The following RPL7L1 variants were observed in gnomAD, a reference collection of about 807,000 sequenced individuals.
RPL7L1 encodes ribosomal protein L7 like 1.
A neutral mutation model predicts 30.3 loss-of-function variants in RPL7L1; 20 were observed. That is an observed-to-expected ratio of 0.66 (90% CI 0.46 to 0.96). RPL7L1 has a LOEUF of 0.96. Among genes scored for constraint, RPL7L1 ranks in the 40% least tolerant of loss-of-function variants. RPL7L1 has a pLI of 0.00. For synonymous variants in RPL7L1, 107 were observed against 110.1 expected, an observed-to-expected ratio of 0.97 and a Z score of 0.18; for missense variants, 271 against 314.9, an observed-to-expected ratio of 0.86 and a Z score of 1.05.
At position 42,887,475 on chromosome 6, in the gene RPL7L1, C is replaced by G. The variant is rs1184647710; in HGVS notation, c.*1011C>G. 5.9e-5 allele frequency: 9 copies of G among 151,824 alleles called. No individual in the cohort carries two copies. The highest frequency in any genetic ancestry group is 8.8e-5 in the Non-Finnish European group (6 of 67,974). 9.4% of individuals were successfully genotyped at this position (151,824 alleles called of 1,614,324 possible). A position where few individuals can be genotyped will look rare whatever the true frequency, so the allele number is the denominator to read the frequency against. On this transcript the variant is annotated 3_prime_UTR_variant, in exon 6 of 6. Coordinates refer to ENST00000493763, the MANE Select transcript of RPL7L1 (RefSeq NM_001366481.3). ...GCACGTGCCTGTAATCCCAGCTACT[C>G]AGGAGGCTGAGGCAGGAGAATCGCT...
chr6:42,886,218 A>G (rs372819161), intron 5 of RPL7L1, 38 bp from the exon 6 acceptor site: 6 of 1,563,700 alleles, frequency 3.8e-6, no homozygotes, highest in South Asian at 1.1e-5. Context: ...TGCTGGATAC[A>G]TGTTAAATAA....
Position 42,888,136 on chromosome 6 carries a change from CAGA to C in RPL7L1, c.*1673_*1675del, listed in dbSNP as rs1306894038. On this transcript the variant is annotated 3_prime_UTR_variant, in exon 6 of 6. Coordinates refer to ENST00000493763, the MANE Select transcript of RPL7L1 (RefSeq NM_001366481.3). ...AGTTCTAGGGTGTTTAGACCCTTCT[CAGA>C]TACCTGTGCATCTTATGGGTTTTGT... 1 of 152,300 alleles carries C rather than the reference CAGA, an allele frequency of 6.6e-6. No individual in the cohort carries two copies. Among genetic ancestry groups the C allele is most frequent in the East Asian group, 1.9e-4 (1 of 5,186 alleles). The allele number at this position is 152,300 out of a possible 1,614,324, so 9.4% of individuals were successfully genotyped here. A position where few individuals can be genotyped will look rare whatever the true frequency, so the allele number is the denominator to read the frequency against.
intron 3 of RPL7L1, 145 bp downstream of exon 3, chr6:42,883,759 A>G (rs2894484): frequency 0.21 from 120,288 of 584,574 alleles, 13,656 homozygotes; most frequent in Middle Eastern, 0.31. Context: ...TTTAGTCTGC[A>G]ATATTTGGAA....
In RPL7L1 at chr6:42,879,795, A is replaced by C. The variant is rs1244400963; in HGVS notation, c.-116A>C. 3 of 1,062,646 alleles carry C rather than the reference A, an allele frequency of 2.8e-6. No homozygotes were observed. The highest frequency in any genetic ancestry group is 1.3e-5 in the South Asian group (1 of 78,230). 65.8% of individuals were successfully genotyped at this position (1,062,646 alleles called of 1,614,324 possible). On this transcript the variant is annotated 5_prime_UTR_variant, in exon 1 of 6. Transcript: ENST00000493763. ...AGGAATCGGGGTTAGCGGGACCTCA[A>C]GGGCTCACTGCGGCTAAGTGAACGC... is the stretch of plus-strand genomic sequence containing the variant.
chr6:42,886,707 T>C lies in RPL7L1; in HGVS notation c.*243T>C. On this transcript the variant is annotated 3_prime_UTR_variant, in exon 6 of 6. Coordinates refer to ENST00000493763, the MANE Select transcript of RPL7L1 (RefSeq NM_001366481.3). ...AAAGATGTCGAGTAACTAAAAACTG[T>C]ATTGCTGGCCGGGCGCGGTGGCTCA... 1 of 435,908 alleles carries C rather than the reference T, an allele frequency of 2.3e-6. No individual in the cohort carries two copies. Among genetic ancestry groups the C allele is most frequent in the Non-Finnish European group, 4.2e-6 (1 of 237,620 alleles). 27.0% of individuals were successfully genotyped at this position (435,908 alleles called of 1,614,324 possible).
intron 2 of RPL7L1, chr6:42,881,190 G>A: frequency 8.3e-6 from 3 of 360,054 alleles, no homozygotes; most frequent in South Asian, 5.7e-5. Context: ...AGTAGGCCGG[G>A]CGCGGTGGCT....
chr6:42,879,985 G>A (rs765708815), intron 1 of RPL7L1, 34 bp downstream of exon 1: 8 of 1,607,608 alleles, frequency 5.0e-6, no homozygotes, highest in Middle Eastern at 1.6e-4. Flanking sequence ...TCTGGAGTGG[G>A]GTCTTGAGTA....
rs192805269 is a variant in RPL7L1 at position 42,884,866 on chromosome 6, C to T, written c.449+116C>T. 1.8e-5 allele frequency: 18 copies of T among 982,662 alleles called. No homozygotes were observed. The East Asian group carries it at 4.4e-4, about 24-fold the overall frequency. The allele number at this position is 982,662 out of a possible 1,614,324, so 60.9% of individuals were successfully genotyped here. Reference sequence around the variant, plus strand: ...TGTAGAAGGGACATTTTGCTGTGACCACAGTCAACCTGAAATCAGTGGGTA... The same window carrying T: ...TGTAGAAGGGACATTTTGCTGTGACTACAGTCAACCTGAAATCAGTGGGTA... On this transcript the variant is annotated intron_variant, in intron 4 of 5. Transcript: ENST00000493763.
chr6:42,881,083 G>A, intron 2 of RPL7L1, 117 bp downstream of exon 2: 1 of 650,622 alleles, frequency 1.5e-6, no homozygotes, highest in East Asian at 2.9e-5. Flanking sequence ...GACAGACCAG[G>A]TATAGTTGTC....
At position 42,886,077 on chromosome 6, in the gene RPL7L1, C is replaced by T; in HGVS notation, c.553C>T (p.His185Tyr). The T allele has an allele frequency of 1.3e-6, 2 of 1,573,544 alleles. No individual in the cohort carries two copies. The highest frequency in any genetic ancestry group is 8.7e-7 in the Non-Finnish European group (1 of 1,145,984). Residue 185 changes from histidine (H) to tyrosine (Y), a missense_variant, in exon 5 of 6, where the codon CAC becomes TAC. Transcript: ENST00000493763. ...PLTDNTVIEEHLGKFGVICLE... is the reference protein window; with the variant it reads ...PLTDNTVIEEYLGKFGVICLE... ...GACAGACAATACAGTGATTGAGGAG[C>T]ACCTGGGTGAGTGCTACAGCTTAGG...
intron 2 of RPL7L1, chr6:42,881,253 C>T (rs1766067512): frequency 5.1e-6 from 1 of 196,150 alleles, no homozygotes; most frequent in African/African-American, 2.4e-5. Flanking sequence ...ATCACGAGGT[C>T]AGGAGATCGA....
At position 42,880,872 on chromosome 6, in the gene RPL7L1, TC is replaced by T. The variant is rs1766048900; in HGVS notation, c.56del (p.Pro19LeufsTer8). The T allele has an allele frequency of 6.3e-7, 1 of 1,592,624 alleles. No homozygotes were observed. Among genetic ancestry groups the T allele is most frequent in the Non-Finnish European group, 8.6e-7 (1 of 1,161,998 alleles). On this transcript the variant is annotated frameshift_variant, in exon 2 of 6. Coordinates refer to ENST00000493763, the MANE Select transcript of RPL7L1 (RefSeq NM_001366481.3). LOFTEE classifies it high-confidence loss of function. ...ATTTTCTGCATCAGGCAAAGAAAAA[TC>T]CCTTTGGTTCCAGAAAATCTCCTGA... ...RKMAEQEQRK[I>X]PLVPENLLKK...
chr6:42,886,471 G>A lies in RPL7L1; in HGVS notation c.*7G>A, dbSNP rs754849525. 2.3e-5 allele frequency: 34 copies of A among 1,450,948 alleles called. No individual in the cohort carries two copies. The highest frequency in any genetic ancestry group is 2.9e-5 in the Non-Finnish European group (31 of 1,052,346). The allele number at this position is 1,450,948 out of a possible 1,614,324, so 89.9% of individuals were successfully genotyped here. ...CATCCGTCAGCTGAACTAGACCCAG[G>A]TGAGGCAGGGCTGAAAACTGCCCTT... is the stretch of plus-strand genomic sequence containing the variant. On this transcript the variant is annotated 3_prime_UTR_variant, in exon 6 of 6. Coordinates refer to ENST00000493763, the MANE Select transcript of RPL7L1 (RefSeq NM_001366481.3).
At chr6:42,885,889 C>T in intron 4 of RPL7L1, 85 bp from the exon 5 acceptor site, 1 of 738,442 alleles carries the variant, frequency 1.4e-6, no homozygotes, top group Non-Finnish European at 2.5e-6. Flanking sequence ...TGTGGGAGAA[C>T]CTCTCCAACC....
In RPL7L1 at chr6:42,880,317, AC is replaced by A. The variant is rs748595638; in HGVS notation, c.41+369del. ...GTGAAAACCCTGTTAACTTATACGA[AC>A]CCAGAGGCTAAAGGATTCATTATTT... On this transcript the variant is annotated intron_variant, in intron 1 of 5. Coordinates refer to ENST00000493763, the MANE Select transcript of RPL7L1 (RefSeq NM_001366481.3). 2.0e-5 allele frequency among the ~76,000 whole-genome samples: 3 copies of A among 152,086 alleles called. No homozygotes were observed. The East Asian group carries it at 5.8e-4, about 29-fold the overall frequency.
intron 2 of RPL7L1, 33 bp from the exon 3 acceptor site, chr6:42,883,418 C>G: frequency 6.6e-7 from 1 of 1,513,922 alleles, no homozygotes; most frequent in Admixed American, 2.3e-5. Flanking sequence ...TATGGAGGCA[C>G]AAGATGATGA....
At position 42,889,107 on chromosome 6, in the gene RPL7L1, A is replaced by G. The variant is rs1766384072; in HGVS notation, c.*2643A>G. ...ATTTTGGCTCCTTGGACCCTCAAGC[A>G]TAGCTGGTAAATCAAGTTAGAGATG... On this transcript the variant is annotated 3_prime_UTR_variant, in exon 6 of 6. Transcript: ENST00000493763. The G allele has an allele frequency of 6.6e-6, 1 of 152,196 alleles. No homozygotes were observed. Among genetic ancestry groups the G allele is most frequent in the African/African-American group, 2.4e-5 (1 of 41,442 alleles). The allele number at this position is 152,196 out of a possible 1,614,324, so 9.4% of individuals were successfully genotyped here.
chr6:42,881,194 G>A (rs1027717331), intron 2 of RPL7L1: 8 of 339,002 alleles, frequency 2.4e-5, no homozygotes, highest in African/African-American at 9.0e-5. Flanking sequence ...GGCCGGGCGC[G>A]GTGGCTCACG....
intron 2 of RPL7L1, chr6:42,881,905 G>C (rs542699743): frequency 3.3e-5 from 5 of 152,082 alleles, no homozygotes; most frequent in Admixed American, 2.6e-4. Context: ...GGATTACAAG[G>C]ATGTGCCACC....
Sources: gnomAD v4.1 joint callset for allele counts (sites outside exome capture counted in the v4.1 genomes callset) on GRCh38, gnomAD v4.1.1 for gene constraint, MANE v1.5 for transcripts, NCBI Gene and HGNC (gene_info 2026-07-23, HGNC 2026-07-21) for gene names.